Variants in PITPNM2 observed in about 807,000 individuals in gnomAD.
The protein encoded by PITPNM2 is phosphatidylinositol transfer protein membrane associated 2, also known as membrane-associated phosphatidylinositol transfer protein 2.
PITPNM2 carries 35 observed loss-of-function variants against 132.2 expected under a neutral mutation model. That is an observed-to-expected ratio of 0.26 (90% CI 0.20 to 0.35). PITPNM2 has a LOEUF of 0.35. PITPNM2 is among the 10% of genes least tolerant of loss of function. The pLI, the probability that PITPNM2 is intolerant of heterozygous loss-of-function variation, is 1.00. For missense variants in PITPNM2, 1,332 were observed against 1,912.0 expected (o/e 0.70, Z 5.66); for synonymous variants, 738 against 799.2 (o/e 0.92, Z 1.29).
At chr12:122,991,439 C>T (rs1284576880) in intron 16 of PITPNM2, among the ~76,000 whole-genome samples, 1 of 152,218 alleles carries the variant, frequency 6.6e-6, no homozygotes, top group Non-Finnish European at 1.5e-5. Flanking sequence ...GTGGGCCCGG[C>T]TGGCTCAAGG....
At chr12:123,098,739 C>T (rs1377525426) in intron 2 of PITPNM2, among the ~76,000 whole-genome samples, 1 of 152,050 alleles carries the variant, frequency 6.6e-6, no homozygotes, top group Non-Finnish European at 1.5e-5. Context: ...ACAAGGTTGG[C>T]GAGTGAGTCC....
At chr12:123,053,309 T>A (rs1457565337) in intron 2 of PITPNM2, among the ~76,000 whole-genome samples, 1 of 152,244 alleles carries the variant, frequency 6.6e-6, no homozygotes, top group Non-Finnish European at 1.5e-5. Flanking sequence ...TGAGTACTGA[T>A]TTGGCTTCAT....
chr12:122,995,493 G>A lies in PITPNM2; in HGVS notation c.1950C>T (p.Arg650=). ...HLSRSNVDIP[R]SNGTEDPKRQ... is the part of the protein sequence containing the mutation. ...TTTTGGGGTCCTCAGTGCCGTTGCT[G>A]CGGGGGATGTCGACGTTGCTTCGGC... is the stretch of plus-strand genomic sequence containing the variant. Residue 650 remains arginine (R), a synonymous_variant, in exon 14 of 26, where the codon CGC becomes CGT. Coordinates refer to ENST00000320201, the MANE Select transcript of PITPNM2 (RefSeq NM_020845.3). 4 of 1,613,904 alleles carry A rather than the reference G, an allele frequency of 2.5e-6. No homozygotes were observed. The highest frequency in any genetic ancestry group is 3.4e-6 in the Non-Finnish European group (4 of 1,180,006).
chr12:123,037,273 A>G (rs2040303261), intron 2 of PITPNM2, among the ~76,000 whole-genome samples: 1 of 152,222 alleles, frequency 6.6e-6, no homozygotes, highest in South Asian at 2.1e-4. Context: ...ACATACATAA[A>G]GGAGAGAGAG....
rs961143786 is a variant in PITPNM2 at position 123,064,138 on chromosome 12, T to C, written c.-95-29453A>G. ...ATTGATATCATTTTGTCACTATGCA[T>C]TATTGCCAGCCTTCCCAGGGTTGGG... On this transcript the variant is annotated intron_variant, in intron 2 of 25. Coordinates refer to ENST00000320201, the MANE Select transcript of PITPNM2 (RefSeq NM_020845.3). The surrounding 1 kb of genome is among the most constrained non-coding windows in gnomAD (Gnocchi z 4.0). 6.6e-6 allele frequency among the ~76,000 whole-genome samples: 1 copy of C among 152,176 alleles called. No individual in the cohort carries two copies. Among genetic ancestry groups the C allele is most frequent in the African/African-American group, 2.4e-5 (1 of 41,428 alleles).
rs1439264296 is a variant in PITPNM2 at position 123,005,899 on chromosome 12, A to G, written c.644-351T>C. 4.1e-6 allele frequency: 1 copy of G among 241,896 alleles called. No individual in the cohort carries two copies. Among genetic ancestry groups the G allele is most frequent in the East Asian group, 8.2e-5 (1 of 12,182 alleles). 15.0% of individuals were successfully genotyped at this position (241,896 alleles called of 1,614,324 possible). On this transcript the variant is annotated intron_variant, in intron 6 of 25. Coordinates refer to ENST00000320201, the MANE Select transcript of PITPNM2 (RefSeq NM_020845.3). This position sits in a 1 kb window ranked among gnomAD's most constrained non-coding sequence, Gnocchi z 6.2. ...GACAGCTTGAGTCCAAGGGTTTGAG[A>G]TCAGCCTGGGCAACGAAACAAGACC... is the stretch of plus-strand genomic sequence containing the variant.
In PITPNM2 at chr12:123,099,772, C is replaced by T. The variant is rs946141572; in HGVS notation, c.-96+10613G>A. Among the ~76,000 whole-genome samples the T allele has an allele frequency of 3.9e-5, 6 of 152,126 alleles. No homozygotes were observed. Among genetic ancestry groups the T allele is most frequent in the African/African-American group, 9.7e-5 (4 of 41,420 alleles). ...ACAGCCTCTCAGATCCCACAGCTGG[C>T]GCACTATCCTTAGGAAGCCCCTCCA... On this transcript the variant is annotated intron_variant, in intron 2 of 25. Transcript: ENST00000320201. The surrounding 1 kb of genome is among the most constrained non-coding windows in gnomAD (Gnocchi z 4.2).
chr12:123,025,449 T>C (rs1222864478), intron 3 of PITPNM2, among the ~76,000 whole-genome samples: 1 of 150,632 alleles, frequency 6.6e-6, no homozygotes, highest in African/African-American at 2.4e-5. Flanking sequence ...TTTTTTTTTT[T>C]TGAGACAAAG....
intron 2 of PITPNM2, among the ~76,000 whole-genome samples, chr12:123,109,012 G>C: frequency 6.6e-6 from 1 of 152,204 alleles, no homozygotes; most frequent in East Asian, 1.9e-4. Context: ...ACCTGGAGCT[G>C]ATATCTGCCA....
intron 3 of PITPNM2, among the ~76,000 whole-genome samples, chr12:123,015,751 A>G (rs2039401541): frequency 6.6e-6 from 1 of 152,194 alleles, no homozygotes; most frequent in African/African-American, 2.4e-5. Flanking sequence ...AAATAGATGA[A>G]CTGGACTTAA....
At chr12:123,118,566 G>C (rs1008434973) in intron 1 of PITPNM2, among the ~76,000 whole-genome samples, 2 of 152,208 alleles carry the variant, frequency 1.3e-5, no homozygotes, top group Non-Finnish European at 2.9e-5. Flanking sequence ...GAAAACATTA[G>C]TTCATGATGA....
intron 3 of PITPNM2, among the ~76,000 whole-genome samples, chr12:123,015,413 T>A: frequency 6.6e-6 from 1 of 152,202 alleles, no homozygotes; most frequent in Non-Finnish European, 1.5e-5. Flanking sequence ...GATCAATTAA[T>A]TTTTGAGAAG....
At chr12:123,125,863 G>GCTTTTTT (rs1566303194) in intron 1 of PITPNM2, among the ~76,000 whole-genome samples, 3 of 79,676 alleles carry the variant, frequency 3.8e-5, no homozygotes, top group African/African-American at 1.3e-4. Context: ...AAAAAATTAG[G>GCTTTTTT]GTTTTTTTTT....
intron 2 of PITPNM2, among the ~76,000 whole-genome samples, chr12:123,068,574 T>C (rs2041521494): frequency 6.6e-6 from 1 of 152,240 alleles, no homozygotes; most frequent in South Asian, 2.1e-4. Flanking sequence ...GTCTTTCTAA[T>C]CAGAAATGCT....
At chr12:123,014,118 G>C (rs2039323947) in intron 3 of PITPNM2, 76 bp from the exon 4 acceptor site, 3 of 1,502,346 alleles carry the variant, frequency 2.0e-6, no homozygotes, top group Non-Finnish European at 2.8e-6. Context: ...AGGAGACTGG[G>C]CCCAGGGGTG....
At chr12:123,048,500 C>T (rs1395052479) in intron 2 of PITPNM2, among the ~76,000 whole-genome samples, 1 of 151,976 alleles carries the variant, frequency 6.6e-6, no homozygotes, top group Admixed American at 6.6e-5. Context: ...GCAAGCTCTG[C>T]TTCCCCGGTT....
At chr12:123,038,442 C>T (rs1420470886) in intron 2 of PITPNM2, among the ~76,000 whole-genome samples, 1 of 152,172 alleles carries the variant, frequency 6.6e-6, no homozygotes, top group Non-Finnish European at 1.5e-5. Context: ...TCTGCTGAGC[C>T]TCGGTCTCTC....
At chr12:123,042,487 AG>A (rs1202239889) in intron 2 of PITPNM2, among the ~76,000 whole-genome samples, 2 of 152,118 alleles carry the variant, frequency 1.3e-5, no homozygotes, top group South Asian at 2.1e-4. Context: ...TGCAAAGTTA[AG>A]GGGGGATGGA....
chr12:123,037,050 C>T (rs566042423), intron 2 of PITPNM2, among the ~76,000 whole-genome samples: 52 of 152,366 alleles, frequency 3.4e-4, no homozygotes, highest in Non-Finnish European at 6.3e-4. Flanking sequence ...GACTCAGCTC[C>T]GCCTAGGCCC....
Sources: allele counts gnomAD v4.1 joint callset (sites outside exome capture counted in the v4.1 genomes callset), GRCh38; gene constraint gnomAD v4.1.1; non-coding constraint Gnocchi (gnomAD v3.1); transcripts MANE v1.5; gene names NCBI Gene and HGNC (gene_info 2026-07-23, HGNC 2026-07-21).